The following ABCA3 variants were observed in gnomAD, a reference collection of about 807,000 sequenced individuals.
The protein encoded by ABCA3 is ATP binding cassette subfamily A member 3.
In ABCA3, 88 loss-of-function variants were observed where a neutral mutation model predicts 172.8. The ratio of observed to expected loss-of-function variants is 0.51; its 90% CI spans 0.43 to 0.61. The LOEUF (loss-of-function observed/expected upper bound fraction) is 0.61. ABCA3 is among the 20% of genes least tolerant of loss of function. ABCA3 has a pLI of 0.00. For synonymous variants in ABCA3, 1,066 were observed against 983.8 expected, an observed-to-expected ratio of 1.08 and a Z score of -1.56; for missense variants, 2,164 against 2,301.0, an observed-to-expected ratio of 0.94 and a Z score of 1.22.
Position 2,285,800 on chromosome 16 carries a change from G to A in ABCA3, c.3279-154C>T, listed in dbSNP as rs1277433388. On this transcript the variant is annotated intron_variant, in intron 22 of 32. Transcript: ENST00000301732. This position sits in a 1 kb window ranked among gnomAD's most constrained non-coding sequence, Gnocchi z 4.7. ...AGCACAAGCACCATGGTTCCATACC[G>A]GGAACATCTGCCCCCACCGGAGAAC... 6.6e-6 allele frequency among the ~76,000 whole-genome samples: 1 copy of A among 152,140 alleles called. No homozygotes were observed. Among genetic ancestry groups the A allele is most frequent in the Non-Finnish European group, 1.5e-5 (1 of 68,016 alleles).
rs912002754 is a variant in ABCA3, at chr16:2,283,516, C to A, written c.3863-158G>T. 5 of 776,740 alleles carry A rather than the reference C, an allele frequency of 6.4e-6. No homozygotes were observed. The highest frequency in any genetic ancestry group is 5.3e-5 in the African/African-American group (3 of 57,044). 48.1% of individuals were successfully genotyped at this position (776,740 alleles called of 1,614,324 possible). On this transcript the variant is annotated intron_variant, in intron 25 of 32. Transcript: ENST00000301732. The surrounding 1 kb of genome is among the most constrained non-coding windows in gnomAD (Gnocchi z 5.4). Reference sequence around the variant, plus strand: ...AGGCCAGTAGGTCACAGCTGCCTCTCGAGGCACCACAGCTCAGAGAGGGGC... The same window carrying A: ...AGGCCAGTAGGTCACAGCTGCCTCTAGAGGCACCACAGCTCAGAGAGGGGC...
At chr16:2,327,655 T>A (rs922090912) in intron 3 of ABCA3, among the ~76,000 whole-genome samples, 4 of 152,224 alleles carry the variant, frequency 2.6e-5, no homozygotes, top group Non-Finnish European at 4.4e-5. Flanking sequence ...GACCGGCTTT[T>A]CCTGTTGTTA....
chr16:2,293,840 T>C (rs1030736687), intron 18 of ABCA3, among the ~76,000 whole-genome samples: 2 of 151,484 alleles, frequency 1.3e-5, no homozygotes, highest in Non-Finnish European at 2.9e-5. Flanking sequence ...TGCCTGGCCA[T>C]GTGGCTAATT....
chr16:2,288,115 A>T lies in ABCA3; in HGVS notation c.2915T>A (p.Val972Asp). 1 of 1,613,610 alleles carries T rather than the reference A, an allele frequency of 6.2e-7. No homozygotes were observed. Among genetic ancestry groups the T allele is most frequent in the Non-Finnish European group, 8.5e-7 (1 of 1,179,880 alleles). The stretch of plus-strand genomic sequence containing the variant: ...CTGACCCAGCTGGGAGGTCCCGGGA[A>T]CTGAGAAGGGCACGACGGTTCTGCC... ...EYGRTVVPFS[V>D]PGTSQLGQQL... is the part of the protein sequence containing the mutation. The change falls in exon 21 of 33, where the codon GTT (valine) becomes GAT (aspartate). Residue 972 changes from valine (V) to aspartate (D), a missense_variant. By Grantham distance (152) the Val-to-Asp change is radical (BLOSUM62 -3). Transcript: ENST00000301732.
chr16:2,334,597 C>T (rs1364482529), intron 1 of ABCA3, among the ~76,000 whole-genome samples: 3 of 151,342 alleles, frequency 2.0e-5, no homozygotes, highest in Admixed American at 6.6e-5. Context: ...ATGCAACCTC[C>T]GGCCCCCAGG....
At position 2,323,766 on chromosome 16, in the gene ABCA3, G is replaced by A. The variant is rs1007635362; in HGVS notation, c.448-78C>T. The stretch of plus-strand genomic sequence containing the variant: ...AAACAACAGGGTGGAGTGGGAGAGC[G>A]CTTGGGGGGCTGTCACAGCCGAGAA... On this transcript the variant is annotated intron_variant, in intron 6 of 32. Coordinates refer to ENST00000301732, the MANE Select transcript of ABCA3 (RefSeq NM_001089.3). 29 of 1,537,502 alleles carry A rather than the reference G, an allele frequency of 1.9e-5. No individual in the cohort carries two copies. In the Admixed American group the frequency reaches 2.8e-4, roughly 15 times the overall value.
intron 1 of ABCA3, among the ~76,000 whole-genome samples, chr16:2,334,148 G>A (rs1210982891): frequency 6.6e-6 from 1 of 152,156 alleles, no homozygotes; most frequent in East Asian, 1.9e-4. Flanking sequence ...GAGATGGCCC[G>A]GGAGGGTGAT....
Position 2,326,473 on chromosome 16 carries a change from G to A in ABCA3, c.-7C>T. On this transcript the variant is annotated 5_prime_UTR_variant, in exon 4 of 33. The change creates a premature stop within an existing upstream ORF in the 5' untranslated region. Coordinates refer to ENST00000301732, the MANE Select transcript of ABCA3 (RefSeq NM_001089.3). The stretch of plus-strand genomic sequence containing the variant: ...GCTGCCTGAGCACAGCCATCGTCTT[G>A]CTGAAAGGGACGCCCAGTGCTAGTT... 1.2e-6 allele frequency: 2 copies of A among 1,609,776 alleles called. No individual in the cohort carries two copies. Among genetic ancestry groups the A allele is most frequent in the Non-Finnish European group, 1.7e-6 (2 of 1,177,874 alleles).
At chr16:2,312,751 C>T (rs189897659) in intron 10 of ABCA3, among the ~76,000 whole-genome samples, 3 of 151,920 alleles carry the variant, frequency 2.0e-5, no homozygotes, top group African/African-American at 7.2e-5. Flanking sequence ...AGGCTGGTCT[C>T]GAACTCCTGA....
At chr16:2,298,615 C>T (rs1168038951) in intron 14 of ABCA3, 75 bp from the exon 15 acceptor site, 3 of 1,563,076 alleles carry the variant, frequency 1.9e-6, no homozygotes, top group East Asian at 2.3e-5. Flanking sequence ...GACCCCCCAC[C>T]CCCTCTCTGT....
At chr16:2,322,537 C>G (rs567525253) in intron 7 of ABCA3, among the ~76,000 whole-genome samples, 1 of 129,382 alleles carries the variant, frequency 7.7e-6, no homozygotes, top group Non-Finnish European at 1.6e-5. Flanking sequence ...CCCGCCCCCC[C>G]ACCCCACAAC....
Position 2,304,073 on chromosome 16 carries a change from T to G in ABCA3, c.1363A>C (p.Met455Leu), listed in dbSNP as rs576740017. The G allele has an allele frequency of 1.9e-6, 3 of 1,613,934 alleles. No homozygotes were observed. The highest frequency in any genetic ancestry group is 1.3e-5 in the African/African-American group (1 of 74,880). The change falls in exon 12 of 33, where the codon ATG (methionine) becomes CTG (leucine). Residue 455 changes from methionine to leucine, a missense_variant. By Grantham distance (15) the Met-to-Leu change is conservative. Transcript: ENST00000301732. ...DDFCFGQVLG[M>L]LLLDSVLYGL... ...TAGAGCACAGAGTCCAGCAGCAGCA[T>G]CCCCAGCACCTGCCCGAAGCAGAAG... is the stretch of plus-strand genomic sequence containing the variant.
chr16:2,324,679 T>C lies in ABCA3; in HGVS notation c.320-148A>G, dbSNP rs955206393. ...CTGAGACTCAAGGCAGCTTTCATCT[T>C]TGGCAGAGAGACAAGCTGCCATCAA... On this transcript the variant is annotated intron_variant, in intron 5 of 32. Coordinates refer to ENST00000301732, the MANE Select transcript of ABCA3 (RefSeq NM_001089.3). The C allele has an allele frequency of 1.2e-5, 15 of 1,267,966 alleles. No homozygotes were observed. In the Admixed American group the frequency reaches 1.7e-4, roughly 15 times the overall value. The allele number at this position is 1,267,966 out of a possible 1,614,324, so 78.5% of individuals were successfully genotyped here. A position where few individuals can be genotyped will look rare whatever the true frequency, so the allele number is the denominator to read the frequency against.
intron 18 of ABCA3, among the ~76,000 whole-genome samples, chr16:2,294,795 C>A (rs1421778705): frequency 6.6e-6 from 1 of 152,012 alleles, no homozygotes; most frequent in Non-Finnish European, 1.5e-5. Context: ...CCAGCCTGGA[C>A]AACATGGTAA....
At chr16:2,288,408 T>C in intron 20 of ABCA3, 79 bp from the exon 21 acceptor site, 1 of 1,467,194 alleles carries the variant, frequency 6.8e-7, no homozygotes, top group East Asian at 2.5e-5. Context: ...CGGCAGGTGC[T>C]GTTCTGTGTG....
At chr16:2,333,825 A>G (rs1282503166) in intron 1 of ABCA3, among the ~76,000 whole-genome samples, 2 of 151,240 alleles carry the variant, frequency 1.3e-5, no homozygotes, top group Non-Finnish European at 1.5e-5. Flanking sequence ...AGTAGCTGGG[A>G]TTACAGGCGT....
In ABCA3 at chr16:2,304,150, C is replaced by T. The variant is rs1435631764; in HGVS notation, c.1286G>A (p.Gly429Asp). 3 of 1,614,120 alleles carry T rather than the reference C, an allele frequency of 1.9e-6. No individual in the cohort carries two copies. The highest frequency in any genetic ancestry group is 2.5e-6 in the Non-Finnish European group (3 of 1,180,040). ...AQLIGKFEAK[G>D]MGIQWRDLLS... ...GAGGTCTCGCCACTGGATGCCCATGCCTGGAAGACACATCAGGAAAGTGGC... is the reference window on the plus strand; with the variant it reads ...GAGGTCTCGCCACTGGATGCCCATGTCTGGAAGACACATCAGGAAAGTGGC... The change falls in exon 12 of 33, where the codon GGC becomes GAC. Residue 429 changes from glycine (G) to aspartate (D), a missense_variant and splice_region_variant. Transcript: ENST00000301732.
intron 10 of ABCA3, among the ~76,000 whole-genome samples, chr16:2,315,202 T>TCACA (rs1567350242): frequency 8.4e-6 from 1 of 119,446 alleles, no homozygotes; most frequent in East Asian, 2.2e-4. Flanking sequence ...TGTATGTATT[T>TCACA]TACACACACA....
In ABCA3 at chr16:2,323,271, G is replaced by C. The variant is rs979442557; in HGVS notation, c.613+252C>G. The stretch of plus-strand genomic sequence containing the variant: ...GCGATTCCTCAGGGATCTAGAACTA[G>C]AAATACCATTTGACCCAGCCATCCC... On this transcript the variant is annotated intron_variant, in intron 7 of 32. Transcript: ENST00000301732. 553 of 570,422 alleles carry C rather than the reference G, an allele frequency of 9.7e-4. 4 individuals are homozygous for C. The highest frequency in any genetic ancestry group is 2.1e-4 in the Non-Finnish European group (68 of 319,354). 35.3% of individuals were successfully genotyped at this position (570,422 alleles called of 1,614,324 possible). A position where few individuals can be genotyped will look rare whatever the true frequency, so the allele number is the denominator to read the frequency against.
Sources: allele counts gnomAD v4.1 joint callset (sites outside exome capture counted in the v4.1 genomes callset), GRCh38; gene constraint gnomAD v4.1.1; non-coding constraint Gnocchi (gnomAD v3.1); transcripts MANE v1.5; gene names NCBI Gene and HGNC (gene_info 2026-07-23, HGNC 2026-07-21).